The following PRKN variants were observed in gnomAD, a reference collection of about 807,000 sequenced individuals.
PRKN encodes the protein E3 ubiquitin-protein ligase parkin.
A neutral mutation model predicts 59.5 loss-of-function variants in PRKN; 56 were observed. The ratio of observed to expected loss-of-function variants is 0.94; its 90% CI spans 0.76 to 1.18. PRKN has a LOEUF of 1.18. PRKN is among the 50% of genes most tolerant of loss of function. PRKN has a pLI of 0.00. For missense variants in PRKN, 657 were observed against 596.4 expected (o/e 1.10, Z -1.06); for synonymous variants, 250 against 222.1 (o/e 1.13, Z -1.12).
intron 7 of PRKN, among the ~76,000 whole-genome samples, chr6:161,704,602 T>G (rs1040046190): frequency 2.6e-5 from 4 of 152,184 alleles, no homozygotes; most frequent in African/African-American, 4.8e-5. Flanking sequence ...GCAGAAAATC[T>G]GCACACCCAG....
At chr6:162,148,323 C>A (rs1782116273) in intron 4 of PRKN, among the ~76,000 whole-genome samples, 2 of 151,686 alleles carry the variant, frequency 1.3e-5, no homozygotes. Flanking sequence ...TTCAGCTCTG[C>A]AAAGGCTGAT....
At chr6:161,485,948 A>C (rs1454020577) in intron 9 of PRKN, among the ~76,000 whole-genome samples, 1 of 152,142 alleles carries the variant, frequency 6.6e-6, no homozygotes, top group East Asian at 1.9e-4. Context: ...GTAAGATTCT[A>C]TTAGGCTTTA....
Position 162,155,225 on chromosome 6 carries a change from A to G in PRKN, c.534+45906T>C, listed in dbSNP as rs79514656. ...GGCAGTGGCTTACCATTCTCTTAAT[A>G]CTTTCTTCTGCATCTACACAGTTCT... is the stretch of plus-strand genomic sequence containing the variant. On this transcript the variant is annotated intron_variant, in intron 4 of 11. Coordinates refer to ENST00000366898, the MANE Select transcript of PRKN (RefSeq NM_004562.3). Among the ~76,000 whole-genome samples, 182 of 152,018 alleles carry G rather than the reference A, an allele frequency of 1.2e-3. 5 individuals carry two copies. In the East Asian group the frequency reaches 0.033, roughly 27 times the overall value.
chr6:162,159,026 C>T (rs1011968568), intron 4 of PRKN, among the ~76,000 whole-genome samples: 2 of 151,998 alleles, frequency 1.3e-5, no homozygotes, highest in Non-Finnish European at 2.9e-5. Context: ...TAAGCCTAGT[C>T]AGAGCCCATT....
intron 4 of PRKN, among the ~76,000 whole-genome samples, chr6:162,131,162 T>G (rs1255153427): frequency 6.6e-6 from 1 of 152,174 alleles, no homozygotes; most frequent in Non-Finnish European, 1.5e-5. Flanking sequence ...AGATTCAGCT[T>G]AATAATGACT....
At chr6:161,571,623 T>G (rs566505907) in intron 7 of PRKN, among the ~76,000 whole-genome samples, 1 of 152,340 alleles carries the variant, frequency 6.6e-6, no homozygotes, top group East Asian at 1.9e-4. Flanking sequence ...ACATGCTAAA[T>G]GAATACTTAT....
At chr6:161,439,766 G>T (rs1021634458) in intron 9 of PRKN, among the ~76,000 whole-genome samples, 15 of 152,016 alleles carry the variant, frequency 9.9e-5, no homozygotes, top group African/African-American at 3.6e-4. Flanking sequence ...GAAAACAGAT[G>T]ATAAGAGATT....
At chr6:161,775,035 A>G (rs941732001) in intron 7 of PRKN, among the ~76,000 whole-genome samples, 2 of 152,150 alleles carry the variant, frequency 1.3e-5, no homozygotes, top group Non-Finnish European at 2.9e-5. Context: ...AAGGTCCAGG[A>G]GCTAGAAAGA....
chr6:162,570,017 C>T (rs1780252424), intron 1 of PRKN, among the ~76,000 whole-genome samples: 1 of 152,142 alleles, frequency 6.6e-6, no homozygotes, highest in Non-Finnish European at 1.5e-5. Context: ...AGTGAAGAGA[C>T]AACCAAAATA....
At chr6:161,523,900 C>T (rs1778926502) in intron 9 of PRKN, among the ~76,000 whole-genome samples, 1 of 152,084 alleles carries the variant, frequency 6.6e-6, no homozygotes, top group African/African-American at 2.4e-5. Flanking sequence ...TGGATAGCAC[C>T]TGTGACCAGA....
intron 3 of PRKN, among the ~76,000 whole-genome samples, chr6:162,216,968 G>A (rs548282920): frequency 1.3e-5 from 2 of 152,136 alleles, no homozygotes; most frequent in African/African-American, 4.8e-5. Flanking sequence ...AATTATACCA[G>A]GTGAAGCCTG....
rs1350463119 is a variant in PRKN at position 162,304,290 on chromosome 6, A to G, written c.172-41525T>C. ...TTTATTTATGCTGTTTTTTTCTCCT[A>G]TGTACACACTATAGAAATGGAAACT... On this transcript the variant is annotated intron_variant, in intron 2 of 11. Transcript: ENST00000366898. 2.0e-5 allele frequency among the ~76,000 whole-genome samples: 3 copies of G among 150,520 alleles called. 1 individual carries two copies. The highest frequency in any genetic ancestry group is 7.4e-5 in the African/African-American group (3 of 40,720).
intron 4 of PRKN, among the ~76,000 whole-genome samples, chr6:162,055,524 G>A (rs981343680): frequency 2.6e-5 from 4 of 152,130 alleles, no homozygotes; most frequent in Admixed American, 6.5e-5. Flanking sequence ...CGTGGGTGGA[G>A]CAGTGAGGTG....
intron 9 of PRKN, among the ~76,000 whole-genome samples, chr6:161,520,520 G>T (rs1161949575): frequency 1.3e-5 from 2 of 151,984 alleles, no homozygotes; most frequent in Admixed American, 6.6e-5. Context: ...GAACCCCTGT[G>T]CTCAGCCAAT....
intron 6 of PRKN, among the ~76,000 whole-genome samples, chr6:161,804,642 T>A (rs1791232416): frequency 6.6e-6 from 1 of 152,240 alleles, no homozygotes; most frequent in Non-Finnish European, 1.5e-5. Context: ...AAATCATATA[T>A]CTATTTTAAT....
intron 6 of PRKN, among the ~76,000 whole-genome samples, chr6:161,897,165 T>G (rs1255298423): frequency 6.6e-6 from 1 of 152,230 alleles, no homozygotes; most frequent in Non-Finnish European, 1.5e-5. Flanking sequence ...ACTCATATCC[T>G]CTTCTTTGTT....
chr6:162,525,764 T>C (rs1414306350), intron 1 of PRKN, among the ~76,000 whole-genome samples: 2 of 152,198 alleles, frequency 1.3e-5, no homozygotes, highest in African/African-American at 2.4e-5. Context: ...GAATGACTCT[T>C]CTCCACAAGG....
At chr6:161,508,122 T>C (rs968290146) in intron 9 of PRKN, among the ~76,000 whole-genome samples, 18 of 152,226 alleles carry the variant, frequency 1.2e-4, no homozygotes, top group Non-Finnish European at 2.1e-4. Flanking sequence ...TAACTGTTAG[T>C]TTGCAATCAC....
intron 6 of PRKN, among the ~76,000 whole-genome samples, chr6:161,799,755 G>A (rs1408245194): frequency 6.6e-6 from 1 of 152,230 alleles, no homozygotes; most frequent in Admixed American, 6.5e-5. Flanking sequence ...ATGTGATAGT[G>A]CTGGTGCACT....
Sources: allele counts gnomAD v4.1 joint callset (sites outside exome capture counted in the v4.1 genomes callset), GRCh38; gene constraint gnomAD v4.1.1; transcripts MANE v1.5; gene names NCBI Gene and HGNC (gene_info 2026-07-23, HGNC 2026-07-21).